The following STAT5A variants were observed in gnomAD, a reference collection of about 807,000 sequenced individuals.
STAT5A encodes the protein signal transducer and activator of transcription 5A.
A neutral mutation model predicts 100.2 loss-of-function variants in STAT5A; 26 were observed. That is an observed-to-expected ratio of 0.26 (90% CI 0.19 to 0.36). The LOEUF is 0.36. STAT5A is among the 10% of genes least tolerant of loss of function. The probability of loss-of-function intolerance (pLI) is 1.00; values close to 1 mark genes in which losing one functional copy is unlikely to be tolerated. For missense variants in STAT5A, 634 were observed against 1,027.5 expected (o/e 0.62, Z 5.24); for synonymous variants, 330 against 424.3 (o/e 0.78, Z 2.73).
intron 11 of STAT5A, among the ~76,000 whole-genome samples, chr17:42,305,271 G>C (rs1292673743): frequency 6.6e-6 from 1 of 152,122 alleles, no homozygotes; most frequent in African/African-American, 2.4e-5. Context: ...GGGAGGCCAA[G>C]GAGGGTGGAT....
At chr17:42,306,160 A>G (rs1488465646) in intron 12 of STAT5A, 81 bp from the exon 13 acceptor site, 1 of 1,604,300 alleles carries the variant, frequency 6.2e-7, no homozygotes, top group African/African-American at 1.3e-5. Context: ...CTCTGTCTCT[A>G]GGTGTCTGTG....
intron 5 of STAT5A, among the ~76,000 whole-genome samples, chr17:42,296,771 G>C (rs903060663): frequency 6.6e-6 from 1 of 152,076 alleles, no homozygotes; most frequent in African/African-American, 2.4e-5. Flanking sequence ...CCGCATAGCT[G>C]GGACTACAGG....
Position 42,290,410 on chromosome 17 carries a change from G to C in STAT5A, c.285+388G>C, listed in dbSNP as rs114468791. ...GAGAGAGGAGCCATCCCAGAGACAA[G>C]AGCTGGACACAAGGGCTTTGAATTG... is the stretch of plus-strand genomic sequence containing the variant. On this transcript the variant is annotated intron_variant, in intron 3 of 18. Coordinates refer to ENST00000590949, the MANE Select transcript of STAT5A (RefSeq NM_001288718.2). 3.4e-3 allele frequency among the ~76,000 whole-genome samples: 524 copies of C among 152,308 alleles called. 3 individuals are homozygous for C. The highest frequency in any genetic ancestry group is 0.012 in the African/African-American group (503 of 41,558).
rs2081083678 is a variant in STAT5A at position 42,311,645 on chromosome 17, GGAGT to G, written c.*980_*983del. 1 of 152,630 alleles carries G rather than the reference GGAGT, an allele frequency of 6.6e-6. No individual in the cohort carries two copies. Among genetic ancestry groups the G allele is most frequent in the South Asian group, 2.1e-4 (1 of 4,844 alleles). The allele number at this position is 152,630 out of a possible 1,614,324, so 9.5% of individuals were successfully genotyped here. ...CATGTGCTGCGTGCCTGTGGAATCTGGAGTGAGGGGTAAAAGCTGATCTGGTTTG... is the reference window on the plus strand; with the variant it reads ...CATGTGCTGCGTGCCTGTGGAATCTGGAGGGGTAAAAGCTGATCTGGTTTG... On this transcript the variant is annotated 3_prime_UTR_variant, in exon 19 of 19. Coordinates refer to ENST00000590949, the MANE Select transcript of STAT5A (RefSeq NM_001288718.2).
In STAT5A at chr17:42,304,734, A is replaced by G. The variant is rs572160550; in HGVS notation, c.1380+82A>G. On this transcript the variant is annotated intron_variant, in intron 11 of 18. Coordinates refer to ENST00000590949, the MANE Select transcript of STAT5A (RefSeq NM_001288718.2). This position sits in a 1 kb window ranked among gnomAD's most constrained non-coding sequence, Gnocchi z 4.8. Reference sequence around the variant, plus strand: ...GCCTGCCTCAGGACTCCTGGCAGCAATGCCATCGGACAGCCTGCTTTGACT... The same window carrying G: ...GCCTGCCTCAGGACTCCTGGCAGCAGTGCCATCGGACAGCCTGCTTTGACT... 3.6e-4 allele frequency: 569 copies of G among 1,581,196 alleles called. 3 individuals carry two copies. In the African/African-American group the frequency reaches 6.5e-3, roughly 18 times the overall value.
intron 4 of STAT5A, among the ~76,000 whole-genome samples, chr17:42,293,930 G>A (rs747413707): frequency 1.3e-5 from 2 of 152,128 alleles, no homozygotes; most frequent in Non-Finnish European, 2.9e-5. Context: ...AATAGATAGA[G>A]AGGGCCAGGC....
intron 5 of STAT5A, among the ~76,000 whole-genome samples, chr17:42,298,063 T>C (rs1598358537): frequency 1.3e-5 from 2 of 151,784 alleles, no homozygotes; most frequent in East Asian, 1.9e-4. Context: ...GGGCCTGCGG[T>C]GGTGGTTGTA....
chr17:42,287,805 G>C (rs972685715), upstream of STAT5A: 1 of 152,282 alleles, frequency 6.6e-6, no homozygotes, highest in Non-Finnish European at 1.5e-5. Flanking sequence ...TTGTGGAGAG[G>C]GGGAGGGCTG....
intron 4 of STAT5A, among the ~76,000 whole-genome samples, chr17:42,294,362 G>GT (rs2080899169): frequency 6.6e-6 from 1 of 152,106 alleles, no homozygotes; most frequent in African/African-American, 2.4e-5. Context: ...CATGGTGCTG[G>GT]TGCTGTCATG....
intron 2 of STAT5A, 49 bp downstream of exon 2, chr17:42,289,588 G>A (rs779132905): frequency 6.3e-7 from 1 of 1,586,260 alleles, no homozygotes. Context: ...TACCATCCAG[G>A]CCCTTTGGCC....
chr17:42,307,572 C>G (rs1256971461), intron 14 of STAT5A, 21 bp from the exon 15 acceptor site: 1 of 1,614,100 alleles, frequency 6.2e-7, no homozygotes, highest in Non-Finnish European at 8.5e-7. Flanking sequence ...AGTGGTGACG[C>G]TCAATGCTCC....
intron 5 of STAT5A, among the ~76,000 whole-genome samples, chr17:42,296,437 T>A (rs13380828): frequency 0.073 from 11,116 of 152,098 alleles, 1,341 homozygotes; most frequent in African/African-American, 0.25. Flanking sequence ...AAAGGAACTA[T>A]CCCCAGGTAC....
At chr17:42,299,220 A>C (rs943055257) in intron 5 of STAT5A, among the ~76,000 whole-genome samples, 3 of 152,184 alleles carry the variant, frequency 2.0e-5, no homozygotes, top group Non-Finnish European at 2.9e-5. Flanking sequence ...AAGAAGCACG[A>C]ACCTCACACA....
At chr17:42,303,995 G>T (rs1390058110) in intron 9 of STAT5A, among the ~76,000 whole-genome samples, 1 of 152,180 alleles carries the variant, frequency 6.6e-6, no homozygotes, top group African/African-American at 2.4e-5. Flanking sequence ...CCAGGGGGGT[G>T]GGTAGGTGTT....
intron 8 of STAT5A, 139 bp from the exon 9 acceptor site, chr17:42,301,136 C>G: frequency 7.0e-7 from 1 of 1,431,330 alleles, no homozygotes; most frequent in African/African-American, 1.4e-5. Context: ...TCACAGCTTC[C>G]CCGGGAACAG....
At chr17:42,291,525 T>G (rs2080868482) in intron 3 of STAT5A, among the ~76,000 whole-genome samples, 1 of 151,996 alleles carries the variant, frequency 6.6e-6, no homozygotes, top group African/African-American at 2.4e-5. Context: ...GAGACCAGCC[T>G]GACCAACGTG....
intron 6 of STAT5A, 74 bp downstream of exon 6, chr17:42,299,955 G>A: frequency 6.0e-6 from 9 of 1,504,240 alleles, no homozygotes; most frequent in Non-Finnish European, 8.1e-6. Context: ...GGGAGGGCTG[G>A]GACCAGCATG....
At position 42,307,459 on chromosome 17, in the gene STAT5A, G is replaced by T. The variant is rs1598366780; in HGVS notation, c.1738G>T (p.Val580Leu). 6.2e-7 allele frequency: 1 copy of T among 1,614,090 alleles called. No individual in the cohort carries two copies. The highest frequency in any genetic ancestry group is 8.5e-7 in the Non-Finnish European group (1 of 1,180,016). The change falls in exon 14 of 19, where the codon GTG (valine) becomes TTG (leucine). Residue 580 changes from valine (V) to leucine (L), a missense_variant. Val to Leu is a conservative substitution (Grantham distance 32, BLOSUM62 1). Coordinates refer to ENST00000590949, the MANE Select transcript of STAT5A (RefSeq NM_001288718.2). ...GCAGTGGTTTGACGGGGTGATGGAG[G>T]TGTTGAAGAAGCACCACAAGCCCCA... ...FWQWFDGVME[V>L]LKKHHKPHWN...
Position 42,308,641 on chromosome 17 carries a change from T to C in STAT5A, c.2062+308T>C. ...CGGGATCATTCGAGCCCACAGATAG[T>C]GCTCCGCTCCCCACCTCACCAGCTG... On this transcript the variant is annotated intron_variant, in intron 16 of 18. Transcript: ENST00000590949. The surrounding 1 kb of genome is among the most constrained non-coding windows in gnomAD (Gnocchi z 4.6). 2.0e-6 allele frequency: 1 copy of C among 497,940 alleles called. No individual in the cohort carries two copies. Among genetic ancestry groups the C allele is most frequent in the Non-Finnish European group, 3.6e-6 (1 of 275,228 alleles). The allele number at this position is 497,940 out of a possible 1,614,324, so 30.8% of individuals were successfully genotyped here.
Sources: allele counts gnomAD v4.1 joint callset (sites outside exome capture counted in the v4.1 genomes callset), GRCh38; gene constraint gnomAD v4.1.1; non-coding constraint Gnocchi (gnomAD v3.1); transcripts MANE v1.5; gene names NCBI Gene and HGNC (gene_info 2026-07-23, HGNC 2026-07-21).